Variants in TXNIP observed in about 807,000 individuals in gnomAD.
TXNIP encodes the protein thioredoxin interacting protein.
Under a neutral mutation model 43.9 loss-of-function variants are expected in TXNIP, and 23 were observed. That is an observed-to-expected ratio of 0.52 (90% CI 0.38 to 0.74). The LOEUF (loss-of-function observed/expected upper bound fraction) is 0.74. Among genes scored for constraint, TXNIP ranks in the 30% least tolerant of loss-of-function variants. The probability of loss-of-function intolerance (pLI) is 0.00; values close to 1 mark genes in which losing one functional copy is unlikely to be tolerated. For synonymous variants in TXNIP, 234 were observed against 172.2 expected (o/e 1.36, Z -2.81); for missense variants, 555 against 485.4 (o/e 1.14, Z -1.35).
chr1:145,995,048 A>G lies in TXNIP; in HGVS notation c.472-17T>C, dbSNP rs782084765. 6.2e-7 allele frequency: 1 copy of G among 1,613,618 alleles called. No individual in the cohort carries two copies. Among genetic ancestry groups the G allele is most frequent in the Non-Finnish European group, 8.5e-7 (1 of 1,179,938 alleles). ...CACAGGTGCCTATATAGAAGGGGAT[A>G]AAAAGGTGTTTTGAGATGCTTCAAT... On this transcript the variant is annotated splice_polypyrimidine_tract_variant and intron_variant, in intron 3 of 7. Coordinates refer to ENST00000582401, the MANE Select transcript of TXNIP (RefSeq NM_006472.6).
Position 145,995,160 on chromosome 1 carries a change from T to C in TXNIP, c.455A>G (p.Asn152Ser). The C allele has an allele frequency of 6.2e-7, 1 of 1,613,912 alleles. No homozygotes were observed. Among genetic ancestry groups the C allele is most frequent in the South Asian group, 1.1e-5 (1 of 91,070 alleles). ...NFEVVDLVDV[N>S]TPDLMAPVSA... ...GGATCTCACCATTAAATCAGGGGTA[T>C]TGACATCCACCAGATCCACTACTTC... The change falls in exon 3 of 8, where the codon AAT (asparagine) becomes AGT (serine). Residue 152 changes from asparagine (N) to serine (S), a missense_variant. Transcript: ENST00000582401.
rs1429432250 is a variant in TXNIP at position 145,994,327 on chromosome 1, G to A, written c.942C>T (p.Ser314=). Residue 314 remains serine (S), a synonymous_variant, in exon 6 of 8, where the codon AGC becomes AGT. Coordinates refer to ENST00000582401, the MANE Select transcript of TXNIP (RefSeq NM_006472.6). ...TCAGATCTACCCAACTCATCTCAGA[G>A]CTGGTTCGGCTGGCCATGCTGGATG... ...SRTSSMASRT[S]SEMSWVDLNI... 2 of 1,614,072 alleles carry A rather than the reference G, an allele frequency of 1.2e-6. No homozygotes were observed. The highest frequency in any genetic ancestry group is 1.3e-5 in the African/African-American group (1 of 74,912).
Position 145,992,722 on chromosome 1 carries a change from C to G in TXNIP, c.*1129G>C, listed in dbSNP as rs1651209227. ...AGTGAGGGGCCAATATCCCTATCTC[C>G]TAACACAGGGCAGGAAGGGGGTTCA... On this transcript the variant is annotated 3_prime_UTR_variant, in exon 8 of 8. Coordinates refer to ENST00000582401, the MANE Select transcript of TXNIP (RefSeq NM_006472.6). 1 of 152,786 alleles carries G rather than the reference C, an allele frequency of 6.5e-6. No homozygotes were observed. Among genetic ancestry groups the G allele is most frequent in the African/African-American group, 2.4e-5 (1 of 41,440 alleles). 9.5% of individuals were successfully genotyped at this position (152,786 alleles called of 1,614,324 possible).
chr1:145,995,673 G>A, intron 1 of TXNIP, 197 bp from the exon 2 acceptor site: 2 of 640,886 alleles, frequency 3.1e-6, no homozygotes, highest in South Asian at 2.0e-5. Context: ...AAGTTGCCAA[G>A]CCCTGCAATA....
rs782725931 is a variant in TXNIP, at chr1:145,996,129, G to A, written c.138C>T (p.Ile46=). 1.2e-6 allele frequency: 2 copies of A among 1,614,084 alleles called. No homozygotes were observed. Among genetic ancestry groups the A allele is most frequent in the Non-Finnish European group, 1.7e-6 (2 of 1,180,012 alleles). ...CEVTRVKAVR[I]LACGVAKVLW... is the part of the protein sequence containing the mutation. ...GCACTTTAGCCACTCCGCAAGCCAG[G>A]ATCCTAACGGCTTTGACACGAGTAA... Residue 46 remains isoleucine (I), a synonymous_variant, in exon 1 of 8, where the codon ATC becomes ATT. Transcript: ENST00000582401.
Position 145,994,001 on chromosome 1 carries a change from G to T in TXNIP, c.1140+15C>A. 1 of 1,614,122 alleles carries T rather than the reference G, an allele frequency of 6.2e-7. No homozygotes were observed. Among genetic ancestry groups the T allele is most frequent in the South Asian group, 1.1e-5 (1 of 91,070 alleles). ...AGCTTAGGACAAATTTAACAGTAAA[G>T]ATGACAATCCTCACCTCAGTATAAG... On this transcript the variant is annotated intron_variant, in intron 7 of 7. Transcript: ENST00000582401.
chr1:145,995,295 T>G lies in TXNIP; in HGVS notation c.324-4A>C, dbSNP rs782490508. On this transcript the variant is annotated splice_polypyrimidine_tract_variant and splice_region_variant and intron_variant, in intron 2 of 7. Transcript: ENST00000582401. ...TTTGAAGGATGTTCCCAGAGGCCTG[T>G]GTCAAGAAAATGAAAATTTTAAAAC... is the stretch of plus-strand genomic sequence containing the variant. 13 of 1,611,052 alleles carry G rather than the reference T, an allele frequency of 8.1e-6. No individual in the cohort carries two copies. Among genetic ancestry groups the G allele is most frequent in the Non-Finnish European group, 1.0e-5 (12 of 1,177,970 alleles).
rs782295244 is a variant in TXNIP at position 145,995,006 on chromosome 1, T to C, written c.497A>G (p.Lys166Arg). The change falls in exon 4 of 8, where the codon AAG becomes AGG. Residue 166 changes from lysine to arginine, a missense_variant. Transcript: ENST00000582401. Reference protein sequence around the residue: ...LMAPVSAKKEKKVSCMFIPDG... With the variant: ...LMAPVSAKKERKVSCMFIPDG... ...AGGAATGAACATGCAGGAAACTTTC[T>C]TTTCTTTTTTAGCAGACACAGGTGC... 2.5e-6 allele frequency: 4 copies of C among 1,614,160 alleles called. No homozygotes were observed. In the South Asian group the frequency reaches 4.4e-5, roughly 18 times the overall value.
At position 145,994,589 on chromosome 1, in the gene TXNIP, A is replaced by G; in HGVS notation, c.786T>C (p.Pro262=). 1 of 1,614,204 alleles carries G rather than the reference A, an allele frequency of 6.2e-7. No individual in the cohort carries two copies. Among genetic ancestry groups the G allele is most frequent in the Non-Finnish European group, 8.5e-7 (1 of 1,180,038 alleles). ...GKSLRVQKIR[P]SILGCNILRV... is the part of the protein sequence containing the mutation. Reference sequence around the variant, plus strand: ...GAAGGATGTTGCAGCCCAGGATAGAAGGCCTGATCTTCTGAACCCGAAGGC... The same window carrying G: ...GAAGGATGTTGCAGCCCAGGATAGAGGGCCTGATCTTCTGAACCCGAAGGC... The change falls in exon 5 of 8, where the codon CCT becomes CCC. Residue 262 remains proline, a synonymous_variant. Coordinates refer to ENST00000582401, the MANE Select transcript of TXNIP (RefSeq NM_006472.6).
rs1490737296 is a variant in TXNIP at position 145,995,087 on chromosome 1, C to A, written c.472-56G>T. 5 of 1,613,092 alleles carry A rather than the reference C, an allele frequency of 3.1e-6. No homozygotes were observed. In the African/African-American group the frequency reaches 6.7e-5, roughly 22 times the overall value. ...AGATGCTTCAATCTAATGCCCAAGACGTCTGATTTATCATCCTCATGACCC... is the reference window on the plus strand; with the variant it reads ...AGATGCTTCAATCTAATGCCCAAGAAGTCTGATTTATCATCCTCATGACCC... On this transcript the variant is annotated intron_variant, in intron 3 of 7. Coordinates refer to ENST00000582401, the MANE Select transcript of TXNIP (RefSeq NM_006472.6).
intron 7 of TXNIP, 46 bp downstream of exon 7, chr1:145,993,970 A>G: frequency 6.2e-7 from 1 of 1,613,804 alleles, no homozygotes. Context: ...TCAACTTCTT[A>G]TAGAAAGCTT....
At position 145,995,138 on chromosome 1, in the gene TXNIP, T is replaced by C; in HGVS notation, c.471+6A>G. 6.2e-7 allele frequency: 1 copy of C among 1,614,056 alleles called. No individual in the cohort carries two copies. Among genetic ancestry groups the C allele is most frequent in the South Asian group, 1.1e-5 (1 of 91,070 alleles). ...AGGAGAATAGAATCTTTAAAATGGA[T>C]CTCACCATTAAATCAGGGGTATTGA... On this transcript the variant is annotated splice_donor_region_variant and intron_variant, in intron 3 of 7. Transcript: ENST00000582401.
At chr1:145,995,722 C>G (rs2101963369) in intron 1 of TXNIP, 1 of 609,298 alleles carries the variant, frequency 1.6e-6, no homozygotes, top group Non-Finnish European at 2.9e-6. Context: ...ACTAACATCT[C>G]AAATAGGAAG....
At chr1:145,995,858 G>A (rs1023979111) in intron 1 of TXNIP, 159 bp downstream of exon 1, 7 of 886,512 alleles carry the variant, frequency 7.9e-6, no homozygotes, top group East Asian at 2.6e-5. Context: ...TTTGGGGGGG[G>A]AGGAGAATGT....
Position 145,995,473 on chromosome 1 carries a change from T to C in TXNIP, c.254A>G (p.Glu85Gly). 1.9e-6 allele frequency: 3 copies of C among 1,614,134 alleles called. No homozygotes were observed. Among genetic ancestry groups the C allele is most frequent in the Non-Finnish European group, 2.5e-6 (3 of 1,179,980 alleles). Residue 85 changes from glutamate (E) to glycine (G), a missense_variant, in exon 2 of 8, where the codon GAG becomes GGG. Coordinates refer to ENST00000582401, the MANE Select transcript of TXNIP (RefSeq NM_006472.6). ...AGGTCTCATGATCACCATCTCATTC[T>C]CACCTGAAGGGAAAGAAAATCGAGT... is the stretch of plus-strand genomic sequence containing the variant. ...TLLLEDQPTGENEMVIMRPGN... is the reference protein window; with the variant it reads ...TLLLEDQPTGGNEMVIMRPGN...
Position 145,994,733 on chromosome 1 carries a change from G to T in TXNIP, c.642C>A (p.Ala214=). The T allele has an allele frequency of 6.2e-7, 1 of 1,614,194 alleles. No homozygotes were observed. The highest frequency in any genetic ancestry group is 1.1e-5 in the South Asian group (1 of 91,084). ...TCSRIVVPKA[A]IVARHTYLAN... is the part of the protein sequence containing the mutation. The stretch of plus-strand genomic sequence containing the variant: ...CAAGGTAAGTGTGGCGGGCCACAAT[G>T]GCAGCTTTGGGGACCACAATTCGGG... The change falls in exon 5 of 8, where the codon GCC becomes GCA. Residue 214 remains alanine, a synonymous_variant. Transcript: ENST00000582401.
In TXNIP at chr1:145,996,112, G is replaced by T. The variant is rs782430981; in HGVS notation, c.155C>A (p.Ala52Asp). The T allele has an allele frequency of 2.5e-6, 4 of 1,614,010 alleles. No homozygotes were observed. Among genetic ancestry groups the T allele is most frequent in the Non-Finnish European group, 3.4e-6 (4 of 1,180,012 alleles). Residue 52 changes from alanine (A) to aspartate (D), a missense_variant, in exon 1 of 8, where the codon GCT becomes GAT. Transcript: ENST00000582401. ...GGATCCCTGCATCCAAAGCACTTTA[G>T]CCACTCCGCAAGCCAGGATCCTAAC... ...KAVRILACGV[A>D]KVLWMQGSQQ... is the part of the protein sequence containing the mutation.
rs200225952 is a variant in TXNIP at position 145,995,494 on chromosome 1, C to G, written c.251-18G>C. 1.1e-3 allele frequency: 1,741 copies of G among 1,612,902 alleles called. 39 individuals are homozygous for G. In the South Asian group the frequency reaches 0.018, roughly 17 times the overall value. ...ATTCTCACCTGAAGGGAAAGAAAAT[C>G]GAGTAGCCATTAGGCTTGCTGTTAC... On this transcript the variant is annotated intron_variant, in intron 1 of 7. Transcript: ENST00000582401.
rs1491067549 is a variant in TXNIP at position 145,992,957 on chromosome 1, TTG to T, written c.*892_*893del. Reference sequence around the variant, plus strand: ...AATCTCAAAAGTAGTAAAATTTTTTTTGTCTTTTGGCTTAACCCTAGAGACAC... The same window carrying T: ...AATCTCAAAAGTAGTAAAATTTTTTTTCTTTTGGCTTAACCCTAGAGACAC... On this transcript the variant is annotated 3_prime_UTR_variant, in exon 8 of 8. Coordinates refer to ENST00000582401, the MANE Select transcript of TXNIP (RefSeq NM_006472.6). The T allele has an allele frequency of 6.5e-6, 1 of 152,674 alleles. No homozygotes were observed. The highest frequency in any genetic ancestry group is 1.9e-4 in the East Asian group (1 of 5,216). The allele number at this position is 152,674 out of a possible 1,614,324, so 9.5% of individuals were successfully genotyped here.
Sources: allele counts gnomAD v4.1 joint callset, GRCh38; gene constraint gnomAD v4.1.1; transcripts MANE v1.5; gene names NCBI Gene and HGNC (gene_info 2026-07-23, HGNC 2026-07-21).